The following MYCBP2 variants were observed in gnomAD, a reference collection of about 807,000 sequenced individuals.
MYCBP2 encodes E3 ubiquitin-protein ligase MYCBP2.
MYCBP2 carries 120 observed loss-of-function variants against 525.3 expected under a neutral mutation model. The ratio of observed to expected loss-of-function variants is 0.23; its 90% CI spans 0.20 to 0.27. The LOEUF is 0.27. Among genes scored for constraint, MYCBP2 ranks in the 10% least tolerant of loss-of-function variants. MYCBP2 has a pLI of 1.00. For missense variants in MYCBP2, 4,149 were observed against 5,657.1 expected, an observed-to-expected ratio of 0.73 and a Z score of 8.55; for synonymous variants, 1,894 against 1,955.8, an observed-to-expected ratio of 0.97 and a Z score of 0.83.
intron 23 of MYCBP2, among the ~76,000 whole-genome samples, chr13:77,207,440 T>C (rs890370820): frequency 2.0e-5 from 3 of 152,132 alleles, no homozygotes; most frequent in Admixed American, 6.5e-5. Context: ...TTACCTCTTT[T>C]AGGGGTCGGG....
intron 36 of MYCBP2, 130 bp from the exon 37 acceptor site, chr13:77,174,619 G>C: frequency 8.7e-6 from 6 of 686,666 alleles, no homozygotes; most frequent in Non-Finnish European, 1.4e-5. Flanking sequence ...AATTAAATAA[G>C]TTTTTAATGA....
intron 2 of MYCBP2, among the ~76,000 whole-genome samples, chr13:77,296,000 T>C (rs752927415): frequency 1.3e-5 from 2 of 152,188 alleles, no homozygotes; most frequent in Admixed American, 6.5e-5. Context: ...CTAGTACCTG[T>C]AGTCAGATTG....
chr13:77,311,572 T>G (rs1354781171), intron 1 of MYCBP2, among the ~76,000 whole-genome samples: 3 of 150,710 alleles, frequency 2.0e-5, no homozygotes, highest in African/African-American at 7.3e-5. Context: ...TTTGTTTTTT[T>G]TTTTTTGTTT....
intron 1 of MYCBP2, among the ~76,000 whole-genome samples, chr13:77,304,846 T>C (rs2079208575): frequency 6.6e-6 from 1 of 151,784 alleles, no homozygotes; most frequent in South Asian, 2.1e-4. Context: ...AAATTACCAA[T>C]ATGAGAAATA....
chr13:77,181,582 G>A (rs1358845787), intron 33 of MYCBP2, 119 bp downstream of exon 33: 14 of 597,322 alleles, frequency 2.3e-5, no homozygotes, highest in Middle Eastern at 4.7e-4. Flanking sequence ...TAAGCACCAA[G>A]CTAAATACGC....
In MYCBP2 at chr13:77,253,005, T is replaced by C. The variant is rs2071489905; in HGVS notation, c.2177-1650A>G. On this transcript the variant is annotated intron_variant, in intron 14 of 82. Coordinates refer to ENST00000544440, the MANE Select transcript of MYCBP2 (RefSeq NM_015057.5). ...GTTCTAATTTATATGGAAAATAAAA[T>C]CTCTCACCAGGCTACATTCATCAAA... Among the ~76,000 whole-genome samples the C allele has an allele frequency of 2.6e-5, 4 of 151,972 alleles. No homozygotes were observed. In the South Asian group the frequency reaches 8.3e-4, roughly 32 times the overall value.
At chr13:77,291,206 C>A (rs940059253) in intron 2 of MYCBP2, among the ~76,000 whole-genome samples, 1 of 151,784 alleles carries the variant, frequency 6.6e-6, no homozygotes, top group Non-Finnish European at 1.5e-5. Flanking sequence ...AAGACAATTA[C>A]AAAAATAAGA....
chr13:77,144,593 T>A, intron 48 of MYCBP2, 33 bp from the exon 49 acceptor site: 1 of 1,443,434 alleles, frequency 6.9e-7, no homozygotes, highest in Non-Finnish European at 9.8e-7. Context: ...TTGGAAATTT[T>A]ACTTTTGGTT....
At chr13:77,176,093 T>C (rs1278933073) in intron 36 of MYCBP2, among the ~76,000 whole-genome samples, 7 of 152,018 alleles carry the variant, frequency 4.6e-5, no homozygotes, top group Admixed American at 2.0e-4. Flanking sequence ...TTTTTCATAT[T>C]GTGCTAGACA....
At chr13:77,274,317 G>C (rs2075260619) in intron 4 of MYCBP2, among the ~76,000 whole-genome samples, 1 of 152,272 alleles carries the variant, frequency 6.6e-6, no homozygotes, top group South Asian at 2.1e-4. Context: ...ACCAGCAGAG[G>C]TCTCTGCACA....
At chr13:77,301,217 C>G (rs977556475) in intron 1 of MYCBP2, among the ~76,000 whole-genome samples, 1 of 151,710 alleles carries the variant, frequency 6.6e-6, no homozygotes, top group Non-Finnish European at 1.5e-5. Flanking sequence ...GAGTTCGAGA[C>G]CAGCTTGGCC....
intron 26 of MYCBP2, among the ~76,000 whole-genome samples, chr13:77,198,012 C>T (rs553952144): frequency 2.8e-4 from 43 of 152,040 alleles, no homozygotes; most frequent in East Asian, 1.4e-3. Context: ...TTCACTATTC[C>T]GAAAAGAAAA....
chr13:77,067,990 C>A, intron 70 of MYCBP2, 126 bp from the exon 71 acceptor site: 1 of 865,854 alleles, frequency 1.2e-6, no homozygotes, highest in Non-Finnish European at 1.7e-6. Context: ...TGCAGTGGAG[C>A]AACCACAGCT....
In MYCBP2 at chr13:77,285,310, C is replaced by G. The variant is rs138275817; in HGVS notation, c.594+2851G>C. On this transcript the variant is annotated intron_variant, in intron 3 of 82. Coordinates refer to ENST00000544440, the MANE Select transcript of MYCBP2 (RefSeq NM_015057.5). ...TATAATACAGTGTGACTCACACATA[C>G]ACAGAATTGGTATTCTAACTAAAAA... 1.0e-3 allele frequency among the ~76,000 whole-genome samples: 157 copies of G among 152,322 alleles called. 1 individual carries two copies. Among genetic ancestry groups the G allele is most frequent in the Middle Eastern group, 3.4e-3 (1 of 294 alleles).
intron 18 of MYCBP2, among the ~76,000 whole-genome samples, chr13:77,229,786 C>T (rs1243140704): frequency 6.6e-6 from 1 of 152,048 alleles, no homozygotes; most frequent in African/African-American, 2.4e-5. Flanking sequence ...AAAATTGAAG[C>T]CTAATTCCAA....
At chr13:77,189,474 A>G (rs554505421) in intron 29 of MYCBP2, among the ~76,000 whole-genome samples, 4 of 152,302 alleles carry the variant, frequency 2.6e-5, no homozygotes, top group African/African-American at 9.6e-5. Context: ...CATAAAAACC[A>G]AACAAACGAA....
At chr13:77,197,795 A>G (rs1406464716) in intron 26 of MYCBP2, among the ~76,000 whole-genome samples, 1 of 152,048 alleles carries the variant, frequency 6.6e-6, no homozygotes, top group East Asian at 1.9e-4. Context: ...AAGGGAAGGA[A>G]AAAAAAAGAC....
intron 1 of MYCBP2, among the ~76,000 whole-genome samples, chr13:77,318,623 A>T (rs1567247013): frequency 1.3e-5 from 2 of 152,158 alleles, no homozygotes; most frequent in South Asian, 4.2e-4. Context: ...GTGTGGTGGG[A>T]CACGCCTGTA....
chr13:77,210,837 T>C (rs537878485), intron 23 of MYCBP2, among the ~76,000 whole-genome samples: 2 of 152,292 alleles, frequency 1.3e-5, no homozygotes, highest in African/African-American at 4.8e-5. Flanking sequence ...AACACTTATA[T>C]GGCACCTAGT....
Sources: allele counts gnomAD v4.1 joint callset (sites outside exome capture counted in the v4.1 genomes callset), GRCh38; gene constraint gnomAD v4.1.1; transcripts MANE v1.5; gene names NCBI Gene and HGNC (gene_info 2026-07-23, HGNC 2026-07-21).